The following SLC24A2 variants were observed in gnomAD, a reference collection of about 807,000 sequenced individuals.
The protein encoded by SLC24A2 is solute carrier family 24 member 2.
Under a neutral mutation model 62.0 loss-of-function variants are expected in SLC24A2, and 36 were observed. The ratio of observed to expected loss-of-function variants is 0.58; its 90% CI spans 0.44 to 0.77. The LOEUF is 0.77. Among genes scored for constraint, SLC24A2 ranks in the 30% least tolerant of loss-of-function variants. The probability of loss-of-function intolerance (pLI) is 0.00; values close to 1 mark genes in which losing one functional copy is unlikely to be tolerated. For synonymous variants in SLC24A2, 358 were observed against 294.0 expected, an observed-to-expected ratio of 1.22 and a Z score of -2.23; for missense variants, 846 against 817.9, an observed-to-expected ratio of 1.03 and a Z score of -0.42.
At chr9:19,972,992 T>C in the SLC24A2 span, among the ~76,000 whole-genome samples, 1 of 152,172 alleles carries the variant, frequency 6.6e-6, no homozygotes, top group Non-Finnish European at 1.5e-5. Context: ...TGATGGGATC[T>C]TTCAACTGGT....
intron 3 of SLC24A2, among the ~76,000 whole-genome samples, chr9:19,620,541 A>AG (rs1817884152): frequency 6.6e-6 from 1 of 152,252 alleles, no homozygotes; most frequent in Admixed American, 6.5e-5. Context: ...GTACGTGACA[A>AG]GGAAGAATGA....
chr9:19,577,317 G>T (rs76890107), intron 5 of SLC24A2, among the ~76,000 whole-genome samples: 2 of 13,204 alleles, frequency 1.5e-4, no homozygotes, highest in Non-Finnish European at 5.9e-4. Flanking sequence ...CAGGTCTAGA[G>T]AAACAGAGCT....
At chr9:19,828,974 C>T in the SLC24A2 span, among the ~76,000 whole-genome samples, 1 of 152,108 alleles carries the variant, frequency 6.6e-6, no homozygotes, top group Non-Finnish European at 1.5e-5. Context: ...ACCCTGCAGC[C>T]CTCTCCTCTA....
At chr9:20,162,759 G>C in the SLC24A2 span, among the ~76,000 whole-genome samples, 1 of 152,076 alleles carries the variant, frequency 6.6e-6, no homozygotes, top group East Asian at 1.9e-4. Context: ...GAATCCAGCA[G>C]CACATCAAAA....
the SLC24A2 span, among the ~76,000 whole-genome samples, chr9:20,303,820 C>A: frequency 6.6e-6 from 1 of 152,196 alleles, no homozygotes; most frequent in African/African-American, 2.4e-5. Flanking sequence ...CAAAACCTCA[C>A]TGTGTTCCTA....
At chr9:19,993,527 C>G in the SLC24A2 span, among the ~76,000 whole-genome samples, 6 of 152,150 alleles carry the variant, frequency 3.9e-5, no homozygotes, top group Non-Finnish European at 5.9e-5. Context: ...GAAAGTTATT[C>G]ATTCCGAACA....
At chr9:19,728,977 C>A (rs1475691006) in intron 2 of SLC24A2, among the ~76,000 whole-genome samples, 2 of 152,180 alleles carry the variant, frequency 1.3e-5, no homozygotes, top group East Asian at 1.9e-4. Context: ...CTGAGGTAGG[C>A]CATATTTGAC....
At chr9:19,848,780 C>T in the SLC24A2 span, among the ~76,000 whole-genome samples, 7 of 152,196 alleles carry the variant, frequency 4.6e-5, no homozygotes, top group Non-Finnish European at 7.4e-5. Context: ...AATGGTTTCA[C>T]ACTTCCTTGT....
the SLC24A2 span, among the ~76,000 whole-genome samples, chr9:20,055,157 C>T: frequency 6.6e-6 from 1 of 152,094 alleles, no homozygotes; most frequent in East Asian, 1.9e-4. Flanking sequence ...CCTACACATC[C>T]CCTTGCTGCG....
the SLC24A2 span, chr9:19,958,269 G>A: frequency 2.6e-5 from 4 of 152,188 alleles, no homozygotes; most frequent in South Asian, 8.3e-4. Flanking sequence ...CTAGGATCCA[G>A]GTGATTTAGA....
the SLC24A2 span, among the ~76,000 whole-genome samples, chr9:20,067,970 G>C: frequency 6.6e-6 from 1 of 151,542 alleles, no homozygotes; most frequent in Admixed American, 6.6e-5. Context: ...GCTTTCCACA[G>C]TGGCTGAACT....
In SLC24A2 at chr9:19,600,865, T is replaced by A. The variant is rs542234331; in HGVS notation, c.1079-3586A>T. The stretch of plus-strand genomic sequence containing the variant: ...GAGGGGGAGAGCGTAGGATTGAATA[T>A]GCAGGTTTCTGAAAAGGATTTTTAA... On this transcript the variant is annotated intron_variant, in intron 4 of 10. Coordinates refer to ENST00000341998, the MANE Select transcript of SLC24A2 (RefSeq NM_020344.4). 8.5e-5 allele frequency among the ~76,000 whole-genome samples: 13 copies of A among 152,286 alleles called. No homozygotes were observed. In the South Asian group the frequency reaches 2.7e-3, roughly 32 times the overall value.
chr9:19,876,991 T>G, the SLC24A2 span, among the ~76,000 whole-genome samples: 56 of 152,256 alleles, frequency 3.7e-4, no homozygotes, highest in African/African-American at 1.2e-3. Context: ...GTCAAAAATT[T>G]TATTTCAGAA....
chr9:19,832,836 A>G, the SLC24A2 span, among the ~76,000 whole-genome samples: 2 of 152,100 alleles, frequency 1.3e-5, no homozygotes, highest in African/African-American at 2.4e-5. Context: ...TTTGCAATCT[A>G]CTCATCTGAC....
At chr9:19,800,435 C>T in the SLC24A2 span, among the ~76,000 whole-genome samples, 1 of 152,176 alleles carries the variant, frequency 6.6e-6, no homozygotes, top group African/African-American at 2.4e-5. Flanking sequence ...AGCTCTGGAA[C>T]TTTATTACTT....
the SLC24A2 span, among the ~76,000 whole-genome samples, chr9:20,084,764 C>T: frequency 3.0e-4 from 45 of 152,198 alleles, no homozygotes; most frequent in Non-Finnish European, 5.7e-4. Context: ...ACATATTCCC[C>T]TAGATCACAA....
At chr9:19,919,653 G>T in the SLC24A2 span, among the ~76,000 whole-genome samples, 2 of 152,130 alleles carry the variant, frequency 1.3e-5, no homozygotes, top group African/African-American at 4.8e-5. Context: ...ATAAAGAAAA[G>T]AGGTTTAATT....
At chr9:20,110,676 C>T in the SLC24A2 span, among the ~76,000 whole-genome samples, 2 of 152,064 alleles carry the variant, frequency 1.3e-5, no homozygotes, top group South Asian at 4.2e-4. Context: ...TGTCTTGACT[C>T]TTATTGATAT....
the SLC24A2 span, among the ~76,000 whole-genome samples, chr9:20,229,050 TTCTCTTTTGCTGCCTTGTAA>T: frequency 6.6e-6 from 1 of 152,080 alleles, no homozygotes; most frequent in Non-Finnish European, 1.5e-5. Context: ...ACTGTGTTAT[TTCTCTTTTGCTGCCTTGTAA>T]CCCCCAGAGT....
Sources: gnomAD v4.1 joint callset for allele counts (sites outside exome capture counted in the v4.1 genomes callset) on GRCh38, gnomAD v4.1.1 for gene constraint, MANE v1.5 for transcripts, NCBI Gene and HGNC (gene_info 2026-07-23, HGNC 2026-07-21) for gene names.